Variants in FGD4 observed in about 807,000 individuals in gnomAD.
FGD4 encodes the protein FYVE, RhoGEF and PH domain containing 4, also known as FYVE, RhoGEF and PH domain-containing protein 4.
FGD4 carries 42 observed loss-of-function variants against 102.0 expected under a neutral mutation model. The ratio of observed to expected loss-of-function variants is 0.41; its 90% CI spans 0.32 to 0.53. The LOEUF (loss-of-function observed/expected upper bound fraction) is 0.53, where lower values mean the gene tolerates loss of function less well. Ranked by LOEUF, FGD4 falls within the 20% of genes least tolerant of loss-of-function variation. The probability of loss-of-function intolerance (pLI) is 0.21; values close to 1 mark genes in which losing one functional copy is unlikely to be tolerated. For missense variants in FGD4, 902 were observed against 1,078.2 expected (o/e 0.84, Z 2.29); for synonymous variants, 380 against 375.7 (o/e 1.01, Z -0.13).
At chr12:32,636,370 TAAAA>T (rs1404719099) in intron 15 of FGD4, among the ~76,000 whole-genome samples, 1 of 151,904 alleles carries the variant, frequency 6.6e-6, no homozygotes, top group Non-Finnish European at 1.5e-5. Context: ...CCCATTCTAC[TAAAA>T]ATACAAAAAT....
intron 4 of FGD4, among the ~76,000 whole-genome samples, chr12:32,586,018 G>A (rs992088723): frequency 6.6e-6 from 1 of 151,980 alleles, no homozygotes; most frequent in African/African-American, 2.4e-5. Flanking sequence ...TGAGCAATGA[G>A]TAGAGGCAAG....
At chr12:32,527,148 T>G (rs1241691698) in intron 1 of FGD4, among the ~76,000 whole-genome samples, 1 of 152,202 alleles carries the variant, frequency 6.6e-6, no homozygotes, top group Non-Finnish European at 1.5e-5. Flanking sequence ...AAAAGAATAC[T>G]TGTGCAGATA....
chr12:32,626,315 A>G (rs1332362865), intron 14 of FGD4, among the ~76,000 whole-genome samples: 1 of 152,148 alleles, frequency 6.6e-6, no homozygotes, highest in Admixed American at 6.5e-5. Flanking sequence ...GTGGCGGCGC[A>G]TGCCTGTAAT....
At position 32,640,649 on chromosome 12, in the gene FGD4, C is replaced by G. The variant is rs1378664062; in HGVS notation, c.*116C>G. The G allele has an allele frequency of 7.1e-7, 1 of 1,400,982 alleles. No homozygotes were observed. Among genetic ancestry groups the G allele is most frequent in the Admixed American group, 1.8e-5 (1 of 54,102 alleles). The allele number at this position is 1,400,982 out of a possible 1,614,324, so 86.8% of individuals were successfully genotyped here. A position where few individuals can be genotyped will look rare whatever the true frequency, so the allele number is the denominator to read the frequency against. On this transcript the variant is annotated 3_prime_UTR_variant, in exon 17 of 17. Transcript: ENST00000534526. The stretch of plus-strand genomic sequence containing the variant: ...GTTGAAAAATATAGGCCCATAAATG[C>G]ATCTTTTGAGGACTATTTTCCTATG...
intron 1 of FGD4, among the ~76,000 whole-genome samples, chr12:32,435,930 TA>T (rs1169134421): frequency 6.6e-6 from 1 of 152,218 alleles, no homozygotes; most frequent in African/African-American, 2.4e-5. Context: ...GTTCAAAGAA[TA>T]AATACTCTGA....
chr12:32,640,316 T>C lies in FGD4; in HGVS notation c.2495T>C (p.Val832Ala), dbSNP rs766887646. 15 of 1,614,216 alleles carry C rather than the reference T, an allele frequency of 9.3e-6. No homozygotes were observed. Among genetic ancestry groups the C allele is most frequent in the Non-Finnish European group, 1.3e-5 (15 of 1,180,036 alleles). The stretch of plus-strand genomic sequence containing the variant: ...GCCACCATTCCACTTCTGGGCTATG[T>C]GGTGGATGAAATGCCAAGGAGCGCA... ...AQATIPLLGY[V>A]VDEMPRSADL... The change falls in exon 17 of 17, where the codon GTG becomes GCG. Residue 832 changes from valine (V) to alanine (A), a missense_variant. Coordinates refer to ENST00000534526, the MANE Select transcript of FGD4 (RefSeq NM_001370298.3).
chr12:32,477,024 A>G lies in FGD4; in HGVS notation c.166+77065A>G, dbSNP rs118145157. 4.9e-3 allele frequency among the ~76,000 whole-genome samples: 747 copies of G among 152,358 alleles called. 3 individuals carry two copies. The highest frequency in any genetic ancestry group is 0.014 in the Middle Eastern group (4 of 294). ...GAAGATCTGGCCAGGTGCGTGGCTC[A>G]TGCCTGTAATTCCAGCACTTTGGGA... On this transcript the variant is annotated intron_variant, in intron 1 of 16. Coordinates refer to ENST00000534526, the MANE Select transcript of FGD4 (RefSeq NM_001370298.3).
At chr12:32,566,401 A>G (rs369894912) in intron 2 of FGD4, among the ~76,000 whole-genome samples, 29 of 152,246 alleles carry the variant, frequency 1.9e-4, no homozygotes, top group East Asian at 1.4e-3. Context: ...AGCACTCCGT[A>G]TGAACTTTAT....
At chr12:32,627,502 A>G (rs907734359) in intron 14 of FGD4, among the ~76,000 whole-genome samples, 11 of 152,204 alleles carry the variant, frequency 7.2e-5, no homozygotes, top group African/African-American at 2.2e-4. Context: ...AAGTAGAGTC[A>G]TCAGTTGAAA....
chr12:32,621,759 C>A (rs60066916), intron 11 of FGD4, among the ~76,000 whole-genome samples: 2,315 of 152,264 alleles, frequency 0.015, 50 homozygotes, highest in African/African-American at 0.053. Flanking sequence ...GTTTCCCTAC[C>A]TCATGGTGGG....
rs570560751 is a variant in FGD4 at position 32,472,771 on chromosome 12, G to T, written c.166+72812G>T. On this transcript the variant is annotated intron_variant, in intron 1 of 16. Coordinates refer to ENST00000534526, the MANE Select transcript of FGD4 (RefSeq NM_001370298.3). ...CTGGGCTCCTGAGTCTGGTGGGGAC[G>T]TGGAGAGTCTTTATATCTAGCTCAG... Among the ~76,000 whole-genome samples, 248 of 152,362 alleles carry T rather than the reference G, an allele frequency of 1.6e-3. 3 individuals are homozygous for T. The highest frequency in any genetic ancestry group is 5.5e-3 in the African/African-American group (227 of 41,580).
At chr12:32,483,817 T>G (rs1943823566) in intron 1 of FGD4, among the ~76,000 whole-genome samples, 1 of 152,166 alleles carries the variant, frequency 6.6e-6, no homozygotes, top group African/African-American at 2.4e-5. Flanking sequence ...ATGAGGATGA[T>G]GGCTGGAATT....
intron 1 of FGD4, among the ~76,000 whole-genome samples, chr12:32,491,145 A>C (rs1038532711): frequency 8.6e-5 from 13 of 151,016 alleles, no homozygotes; most frequent in Admixed American, 3.9e-4. Flanking sequence ...AAAAAAAAAA[A>C]AAAAACAAAA....
chr12:32,508,488 T>C (rs144480947), intron 1 of FGD4, among the ~76,000 whole-genome samples: 1 of 152,302 alleles, frequency 6.6e-6, no homozygotes, highest in East Asian at 1.9e-4. Flanking sequence ...AGTTGTCATA[T>C]CTTATTCTTG....
Position 32,568,863 on chromosome 12 carries a change from T to A in FGD4, c.319+4574T>A, listed in dbSNP as rs142571468. 5.1e-3 allele frequency among the ~76,000 whole-genome samples: 776 copies of A among 152,374 alleles called. 8 individuals carry two copies. The highest frequency in any genetic ancestry group is 0.017 in the African/African-American group (708 of 41,590). On this transcript the variant is annotated intron_variant, in intron 2 of 16. Transcript: ENST00000534526. ...TTGGTTTCTTTTCATTCTAGATAAT[T>A]ACTTTGAATGATCAATTTTTTTTCC...
intron 1 of FGD4, among the ~76,000 whole-genome samples, chr12:32,492,788 T>A (rs893221770): frequency 1.3e-5 from 2 of 152,220 alleles, no homozygotes; most frequent in African/African-American, 4.8e-5. Flanking sequence ...CTCTTATTTT[T>A]TTTTGGTATA....
At chr12:32,472,304 C>G (rs899864063) in intron 1 of FGD4, among the ~76,000 whole-genome samples, 1 of 152,230 alleles carries the variant, frequency 6.6e-6, no homozygotes, top group Non-Finnish European at 1.5e-5. Flanking sequence ...GAGGCACGAG[C>G]GGGAACCAGG....
intron 1 of FGD4, among the ~76,000 whole-genome samples, chr12:32,515,521 C>T (rs1006534744): frequency 3.3e-5 from 5 of 152,276 alleles, no homozygotes; most frequent in South Asian, 2.1e-4. Context: ...TATCATAGAC[C>T]GTAGGGCTGA....
In FGD4 at chr12:32,530,979, GC is replaced by G. The variant is rs1341337911; in HGVS notation, c.167-33156del. On this transcript the variant is annotated intron_variant, in intron 1 of 16. Transcript: ENST00000534526. ...TTTTTTTTTTTTTTTTTGAGACAGAGCCTTGCTCTGTCGCCAGGCTGGAGTG... is the reference window on the plus strand; with the variant it reads ...TTTTTTTTTTTTTTTTTGAGACAGAGCTTGCTCTGTCGCCAGGCTGGAGTG... Among the ~76,000 whole-genome samples the G allele has an allele frequency of 3.1e-5, 3 of 97,792 alleles. No homozygotes were observed. The South Asian group carries it at 1.1e-3, about 34-fold the overall frequency. 64.2% of individuals were successfully genotyped at this position (97,792 alleles called of 152,430 possible). A position where few individuals can be genotyped will look rare whatever the true frequency, so the allele number is the denominator to read the frequency against.
Sources: allele counts gnomAD v4.1 joint callset (sites outside exome capture counted in the v4.1 genomes callset), GRCh38; gene constraint gnomAD v4.1.1; transcripts MANE v1.5; gene names NCBI Gene and HGNC (gene_info 2026-07-23, HGNC 2026-07-21).